The following JARID2 variants were observed in gnomAD, a reference collection of about 807,000 sequenced individuals.
JARID2 encodes the protein protein Jumonji.
JARID2 carries 21 observed loss-of-function variants against 125.6 expected under a neutral mutation model. That is an observed-to-expected ratio of 0.17 (90% confidence interval 0.12 to 0.24). JARID2 has a LOEUF of 0.24. Ranked by LOEUF, JARID2 falls within the 10% of genes least tolerant of loss-of-function variation. JARID2 has a pLI of 1.00. For synonymous variants in JARID2, 736 were observed against 661.6 expected, an observed-to-expected ratio of 1.11 and a Z score of -1.73; for missense variants, 1,303 against 1,639.6, an observed-to-expected ratio of 0.79 and a Z score of 3.55.
intron 1 of JARID2, among the ~76,000 whole-genome samples, chr6:15,323,206 G>A (rs1179432123): frequency 1.3e-5 from 2 of 152,252 alleles, no homozygotes; most frequent in African/African-American, 4.8e-5. Flanking sequence ...GCACAGCCTG[G>A]TTTCCCAAAT....
At chr6:15,280,904 C>A (rs998888392) in intron 1 of JARID2, among the ~76,000 whole-genome samples, 3 of 152,136 alleles carry the variant, frequency 2.0e-5, no homozygotes, top group Non-Finnish European at 4.4e-5. Flanking sequence ...GCTGGAATTA[C>A]AGGCATGAGC....
intron 9 of JARID2, chr6:15,505,343 C>CTG (rs869159986): frequency 3.1e-5 from 3 of 98,018 alleles, no homozygotes; most frequent in Admixed American, 1.3e-4. Context: ...CAGGCTTTTG[C>CTG]TGTGTTTTTT....
chr6:15,319,132 G>A (rs1220676708), intron 1 of JARID2, among the ~76,000 whole-genome samples: 1 of 152,174 alleles, frequency 6.6e-6, no homozygotes, highest in Non-Finnish European at 1.5e-5. Context: ...CAGGGAGAGA[G>A]GATGCTGTCT....
chr6:15,510,356 A>T (rs1469090552), intron 12 of JARID2, among the ~76,000 whole-genome samples: 4 of 151,986 alleles, frequency 2.6e-5, no homozygotes, highest in Admixed American at 6.5e-5. Flanking sequence ...CATCCCCCTC[A>T]TTCATGCTGT....
At position 15,468,706 on chromosome 6, in the gene JARID2, C is replaced by T; in HGVS notation, c.658C>T (p.His220Tyr). ...PRKGKTHKHV[H>Y]NGHVFNGSSR... ...GAAAGGAAAAACCCACAAACATGTT[C>T]ACAACGGGCATGGTAGGTCCACCGT... The change falls in exon 5 of 18, where the codon CAC becomes TAC. Residue 220 changes from histidine to tyrosine, a missense_variant. By Grantham distance (83) the His-to-Tyr change is moderately conservative. This residue lies in a region of JARID2 where 651 missense variants were observed against 581.6 expected (regional missense o/e 1.12). Coordinates refer to ENST00000341776, the MANE Select transcript of JARID2 (RefSeq NM_004973.4). 7.4e-6 allele frequency: 12 copies of T among 1,612,336 alleles called. No individual in the cohort carries two copies. The highest frequency in any genetic ancestry group is 1.0e-5 in the Non-Finnish European group (12 of 1,179,182).
intron 3 of JARID2, among the ~76,000 whole-genome samples, chr6:15,426,301 A>G (rs1766723462): frequency 6.6e-6 from 1 of 152,108 alleles, no homozygotes; most frequent in East Asian, 1.9e-4. Context: ...CATTCTCTTT[A>G]CCGATGGACT....
At chr6:15,413,008 G>T (rs9476825) in intron 3 of JARID2, among the ~76,000 whole-genome samples, 15,763 of 47,370 alleles carry the variant, frequency 0.33, 3,711 homozygotes, top group South Asian at 0.41. Flanking sequence ...TTGTGTTTTT[G>T]TTTTTTTTTT....
intron 2 of JARID2, among the ~76,000 whole-genome samples, chr6:15,402,889 TTGAAA>T (rs979593461): frequency 2.0e-5 from 3 of 152,178 alleles, no homozygotes; most frequent in African/African-American, 7.2e-5. Context: ...TAAAAGGGTG[TTGAAA>T]TGAAGTGTGG....
At chr6:15,391,854 T>G (rs568037912) in intron 2 of JARID2, among the ~76,000 whole-genome samples, 1 of 152,230 alleles carries the variant, frequency 6.6e-6, no homozygotes, top group Non-Finnish European at 1.5e-5. Flanking sequence ...TTTGGGGTGT[T>G]GAAGGCATGC....
intron 3 of JARID2, among the ~76,000 whole-genome samples, chr6:15,432,804 T>C (rs756998664): frequency 3.9e-5 from 6 of 152,252 alleles, no homozygotes; most frequent in African/African-American, 1.4e-4. Flanking sequence ...ATGTTTGGTT[T>C]GTATCTAAGC....
intron 1 of JARID2, among the ~76,000 whole-genome samples, chr6:15,338,945 A>C (rs1046917045): frequency 6.6e-6 from 1 of 152,184 alleles, no homozygotes; most frequent in African/African-American, 2.4e-5. Context: ...GAGAGAGGTT[A>C]TGTTACTTTT....
chr6:15,329,814 T>C (rs1409416055), intron 1 of JARID2, among the ~76,000 whole-genome samples: 3 of 152,348 alleles, frequency 2.0e-5, no homozygotes, highest in Middle Eastern at 3.4e-3. Flanking sequence ...GTTGCAAATA[T>C]TGTCTATTTT....
chr6:15,424,647 C>T (rs1056994145), intron 3 of JARID2, among the ~76,000 whole-genome samples: 2 of 152,086 alleles, frequency 1.3e-5, no homozygotes, highest in Non-Finnish European at 2.9e-5. Context: ...CACCTGAGGT[C>T]GGGAGTTCGA....
chr6:15,343,475 T>C (rs1763140423), intron 1 of JARID2, among the ~76,000 whole-genome samples: 1 of 152,070 alleles, frequency 6.6e-6, no homozygotes, highest in South Asian at 2.1e-4. Flanking sequence ...AACTCCTCCC[T>C]AGCCCCTAAT....
chr6:15,247,753 A>C (rs1362977967), intron 1 of JARID2: 1 of 985,370 alleles, frequency 1.0e-6, no homozygotes, highest in Admixed American at 6.1e-5. Context: ...ATCCTTATCT[A>C]GACACGTCAA....
In JARID2 at chr6:15,361,887, G is replaced by GCC. The variant is rs200933735; in HGVS notation, c.46-12226_46-12225dup. 3.7e-4 allele frequency among the ~76,000 whole-genome samples: 54 copies of GCC among 144,192 alleles called. 1 individual carries two copies. The highest frequency in any genetic ancestry group is 1.4e-3 in the African/African-American group (52 of 38,060). The allele number at this position is 144,192 out of a possible 152,430, so 94.6% of individuals were successfully genotyped here. A position where few individuals can be genotyped will look rare whatever the true frequency, so the allele number is the denominator to read the frequency against. Reference sequence around the variant, plus strand: ...GTTAAATCTTGTCTTTGGATTGGGAGCCCCCTTTTTTTTTTTTTTTTTTTT... The same window carrying GCC: ...GTTAAATCTTGTCTTTGGATTGGGAGCCCCCCCTTTTTTTTTTTTTTTTTTTT... On this transcript the variant is annotated intron_variant, in intron 1 of 17. Transcript: ENST00000341776.
intron 5 of JARID2, among the ~76,000 whole-genome samples, chr6:15,469,560 GT>G (rs1160715663): frequency 2.0e-5 from 3 of 150,614 alleles, no homozygotes; most frequent in Non-Finnish European, 4.4e-5. Flanking sequence ...ATCCTCCTGA[GT>G]AGCTGGGACT....
intron 1 of JARID2, among the ~76,000 whole-genome samples, chr6:15,362,210 G>C (rs1410865116): frequency 6.6e-6 from 1 of 151,896 alleles, no homozygotes; most frequent in Non-Finnish European, 1.5e-5. Flanking sequence ...CATTTAATTT[G>C]TCGAAAATAT....
intron 3 of JARID2, among the ~76,000 whole-genome samples, chr6:15,420,184 C>T (rs898801505): frequency 1.3e-5 from 2 of 152,188 alleles, no homozygotes; most frequent in African/African-American, 4.8e-5. Context: ...GCGGGTGGAT[C>T]ACCAGGTCAG....
Sources: gnomAD v4.1 joint callset for allele counts (sites outside exome capture counted in the v4.1 genomes callset) on GRCh38, gnomAD v4.1.1 for gene constraint, gnomAD v4.1.1 regional missense constraint, MANE v1.5 for transcripts, NCBI Gene and HGNC (gene_info 2026-07-23, HGNC 2026-07-21) for gene names.